The following DIP2C variants were observed in gnomAD, a reference collection of about 807,000 sequenced individuals.
DIP2C encodes the protein DIP2 acetate--CoA ligase C (putative).
Under a neutral mutation model 192.4 loss-of-function variants are expected in DIP2C, and 33 were observed. The ratio of observed to expected loss-of-function variants is 0.17; its 90% CI spans 0.13 to 0.23. The LOEUF is 0.23. Ranked by LOEUF, DIP2C falls within the 10% of genes least tolerant of loss-of-function variation. The pLI is 1.00. For missense variants in DIP2C, 1,537 were observed against 2,110.1 expected, an observed-to-expected ratio of 0.73 and a Z score of 5.32; for synonymous variants, 979 against 864.1, an observed-to-expected ratio of 1.13 and a Z score of -2.33.
chr10:533,724 C>G (rs2130871133), intron 1 of DIP2C, among the ~76,000 whole-genome samples: 1 of 151,434 alleles, frequency 6.6e-6, no homozygotes, highest in East Asian at 1.9e-4. Context: ...GAGAACAGAA[C>G]TCAAAGTCAC....
intron 17 of DIP2C, among the ~76,000 whole-genome samples, chr10:380,445 G>C (rs1441864496): frequency 2.0e-5 from 3 of 152,098 alleles, no homozygotes; most frequent in African/African-American, 7.2e-5. Flanking sequence ...AGAAGAGGCT[G>C]TCCCTGGATG....
chr10:317,619 C>T (rs945499880), intron 31 of DIP2C, among the ~76,000 whole-genome samples: 3 of 152,128 alleles, frequency 2.0e-5, no homozygotes, highest in Non-Finnish European at 2.9e-5. Context: ...TCTGTGACTG[C>T]GATAGAGAAT....
At chr10:347,350 A>G (rs1394828951) in intron 26 of DIP2C, among the ~76,000 whole-genome samples, 11 of 55,616 alleles carry the variant, frequency 2.0e-4, no homozygotes, top group Non-Finnish European at 2.7e-4. Flanking sequence ...AACGTCACAC[A>G]CACCCAACCC....
At chr10:480,499 C>A (rs529595417) in intron 2 of DIP2C, among the ~76,000 whole-genome samples, 2 of 152,366 alleles carry the variant, frequency 1.3e-5, no homozygotes, top group South Asian at 4.1e-4. Context: ...GCCCGAGCTC[C>A]AGTCCACGCT....
intron 1 of DIP2C, among the ~76,000 whole-genome samples, chr10:626,386 A>G (rs1201115334): frequency 6.7e-6 from 1 of 149,810 alleles, no homozygotes; most frequent in East Asian, 1.9e-4. Context: ...GCATCCCCCA[A>G]AGGCACCTGG....
At chr10:292,765 C>A (rs1955555468) in intron 32 of DIP2C, among the ~76,000 whole-genome samples, 1 of 152,162 alleles carries the variant, frequency 6.6e-6, no homozygotes, top group African/African-American at 2.4e-5. Context: ...CTAAAGAGAG[C>A]CATGGTTGAA....
intron 1 of DIP2C, among the ~76,000 whole-genome samples, chr10:609,737 T>TTA (rs1852939662): frequency 6.6e-6 from 1 of 152,140 alleles, no homozygotes; most frequent in Non-Finnish European, 1.5e-5. Flanking sequence ...ATGCTATAGG[T>TTA]TAACCAGGTC....
chr10:443,852 T>C (rs1967936103), intron 3 of DIP2C, among the ~76,000 whole-genome samples: 1 of 152,224 alleles, frequency 6.6e-6, no homozygotes. Flanking sequence ...TAGAGTTCAG[T>C]GTTCATTTAC....
rs573680838 is a variant in DIP2C at position 486,900 on chromosome 10, C to T, written c.86-370G>A. 4.2e-4 allele frequency among the ~76,000 whole-genome samples: 64 copies of T among 152,298 alleles called. 1 individual carries two copies. The South Asian group carries it at 0.013, about 31-fold the overall frequency. ...CGACAGATCCTGCAGCTGCCAGGGC[C>T]GGGATGGCCGACACCAGCACCTATT... On this transcript the variant is annotated intron_variant, in intron 1 of 36. Transcript: ENST00000280886.
chr10:639,964 G>A (rs957975519), intron 1 of DIP2C, among the ~76,000 whole-genome samples: 2 of 152,032 alleles, frequency 1.3e-5, no homozygotes, highest in East Asian at 1.9e-4. Flanking sequence ...CACTCTGCGC[G>A]CTTTCTCCCA....
chr10:531,303 G>GAT (rs149354386), intron 1 of DIP2C, among the ~76,000 whole-genome samples: 25 of 152,158 alleles, frequency 1.6e-4, no homozygotes, highest in African/African-American at 5.8e-4. Flanking sequence ...CCACGAACCT[G>GAT]ATGAACACAC....
intron 14 of DIP2C, 78 bp downstream of exon 14, chr10:387,667 G>A (rs1310048091): frequency 8.0e-7 from 1 of 1,245,316 alleles, no homozygotes; most frequent in East Asian, 2.3e-5. Context: ...GTATGGGGAG[G>A]GGGACTCCTG....
intron 8 of DIP2C, among the ~76,000 whole-genome samples, chr10:412,626 C>T (rs1965261741): frequency 1.3e-5 from 2 of 152,202 alleles, no homozygotes; most frequent in African/African-American, 4.8e-5. Flanking sequence ...AGGCCCAAAT[C>T]CCACATCTGT....
intron 3 of DIP2C, among the ~76,000 whole-genome samples, chr10:469,802 A>C (rs754372392): frequency 1.3e-5 from 2 of 152,176 alleles, no homozygotes; most frequent in Non-Finnish European, 2.9e-5. Flanking sequence ...CAAATTCCCG[A>C]GCGTGATGCA....
At chr10:555,661 C>T (rs1488659397) in intron 1 of DIP2C, among the ~76,000 whole-genome samples, 1 of 152,182 alleles carries the variant, frequency 6.6e-6, no homozygotes, top group Non-Finnish European at 1.5e-5. Flanking sequence ...AACCTCCTGG[C>T]CTGGCAGGTG....
intron 24 of DIP2C, among the ~76,000 whole-genome samples, chr10:349,996 T>C (rs1958714094): frequency 6.6e-6 from 1 of 152,072 alleles, no homozygotes; most frequent in Non-Finnish European, 1.5e-5. Flanking sequence ...TACAAACAAA[T>C]AGAAAACATA....
intron 9 of DIP2C, among the ~76,000 whole-genome samples, chr10:399,573 C>A (rs1021796062): frequency 1.3e-5 from 2 of 152,164 alleles, no homozygotes; most frequent in African/African-American, 4.8e-5. Context: ...TCATAACTGT[C>A]CTGGGACAGC....
chr10:485,113 C>T (rs544260514), intron 2 of DIP2C, among the ~76,000 whole-genome samples: 5 of 152,358 alleles, frequency 3.3e-5, no homozygotes, highest in East Asian at 3.9e-4. Flanking sequence ...AGGGCCACCG[C>T]GGGAGGCACG....
chr10:311,594 A>G (rs1329266824), intron 31 of DIP2C: 3 of 1,232,360 alleles, frequency 2.4e-6, no homozygotes, highest in Non-Finnish European at 3.0e-6. Flanking sequence ...TGAGGACGAG[A>G]AGAGAGGAGA....
Sources: gnomAD v4.1 joint callset for allele counts (sites outside exome capture counted in the v4.1 genomes callset) on GRCh38, gnomAD v4.1.1 for gene constraint, MANE v1.5 for transcripts, NCBI Gene and HGNC (gene_info 2026-07-23, HGNC 2026-07-21) for gene names.